Variants in DGKB observed in about 807,000 individuals in gnomAD.
DGKB encodes diacylglycerol kinase beta.
DGKB carries 67 observed loss-of-function variants against 114.3 expected under a neutral mutation model. The ratio of observed to expected loss-of-function variants is 0.59; its 90% CI spans 0.48 to 0.72. DGKB has a LOEUF of 0.72. Ranked by LOEUF, DGKB falls within the 30% of genes least tolerant of loss-of-function variation. DGKB has a pLI of 0.00. For synonymous variants in DGKB, 398 were observed against 323.1 expected, an observed-to-expected ratio of 1.23 and a Z score of -2.49; for missense variants, 907 against 975.2, an observed-to-expected ratio of 0.93 and a Z score of 0.93.
chr7:14,479,696 A>G (rs1334464630), intron 20 of DGKB, among the ~76,000 whole-genome samples: 5 of 152,128 alleles, frequency 3.3e-5, no homozygotes, highest in Non-Finnish European at 7.4e-5. Context: ...AGTCATAAAC[A>G]TATTATACTT....
At chr7:14,775,884 T>C (rs1245970868) in intron 2 of DGKB, among the ~76,000 whole-genome samples, 1 of 151,966 alleles carries the variant, frequency 6.6e-6, no homozygotes, top group Admixed American at 6.6e-5. Flanking sequence ...TCCGAAAATG[T>C]GGAAGTGACT....
In DGKB at chr7:14,697,985, G is replaced by C. The variant is rs183077542; in HGVS notation, c.591+110C>G. On this transcript the variant is annotated intron_variant, in intron 8 of 25. Transcript: ENST00000402815. ...GGAAGGAAAGAAAGAAAGAAAGAGA[G>C]AGAGAAAGAAAAAAAGAAAGAAAGA... The C allele has an allele frequency of 2.3e-3, 1,515 of 655,118 alleles. 15 individuals carry two copies. The African/African-American group carries it at 0.025, about 11-fold the overall frequency. The allele number at this position is 655,118 out of a possible 1,614,324, so 40.6% of individuals were successfully genotyped here.
At chr7:14,954,136 G>A (rs1253277193) in intron 1 of DGKB, among the ~76,000 whole-genome samples, 1 of 152,036 alleles carries the variant, frequency 6.6e-6, no homozygotes, top group Non-Finnish European at 1.5e-5. Flanking sequence ...AGGGAAGGAG[G>A]TGTGGGCCTG....
intron 13 of DGKB, among the ~76,000 whole-genome samples, chr7:14,653,866 C>T (rs1336317169): frequency 6.6e-6 from 1 of 151,934 alleles, no homozygotes; most frequent in African/African-American, 2.4e-5. Flanking sequence ...AAAAATTGGA[C>T]ATAGAATTAG....
chr7:14,811,374 A>G (rs1319702236), intron 2 of DGKB, among the ~76,000 whole-genome samples: 3 of 152,156 alleles, frequency 2.0e-5, no homozygotes, highest in East Asian at 3.9e-4. Flanking sequence ...CACCTGGCCT[A>G]GTAACAGGAA....
chr7:14,238,296 C>G (rs1387641445), intron 23 of DGKB, among the ~76,000 whole-genome samples: 1 of 151,930 alleles, frequency 6.6e-6, no homozygotes, highest in African/African-American at 2.4e-5. Context: ...TAGTGCTTGG[C>G]AGTTTCCCCC....
At chr7:14,313,516 G>T (rs922545726) in intron 23 of DGKB, among the ~76,000 whole-genome samples, 1 of 152,028 alleles carries the variant, frequency 6.6e-6, no homozygotes, top group East Asian at 1.9e-4. Flanking sequence ...GGTGACGGAC[G>T]GCACCTGGAA....
intron 23 of DGKB, among the ~76,000 whole-genome samples, chr7:14,253,658 T>G (rs1795561722): frequency 1.3e-5 from 2 of 152,208 alleles, no homozygotes; most frequent in South Asian, 4.1e-4. Context: ...AAATGAAATT[T>G]TAAAATACAT....
chr7:14,448,303 C>T (rs1483781834), intron 21 of DGKB, among the ~76,000 whole-genome samples: 5 of 151,980 alleles, frequency 3.3e-5, no homozygotes, highest in African/African-American at 9.7e-5. Context: ...AAGAAGGATG[C>T]TGAAAGTTGT....
chr7:14,814,256 T>A (rs1777605063), intron 2 of DGKB: 1 of 152,216 alleles, frequency 6.6e-6, no homozygotes, highest in Admixed American at 6.5e-5. Flanking sequence ...TTGGCTCTTT[T>A]CTTTCTCTGG....
At chr7:14,737,787 C>T (rs1221369653) in intron 4 of DGKB, among the ~76,000 whole-genome samples, 3 of 151,850 alleles carry the variant, frequency 2.0e-5, no homozygotes, top group Admixed American at 6.6e-5. Context: ...TAAATTACTA[C>T]CACCACCATA....
At chr7:14,478,595 A>C (rs896683312) in intron 20 of DGKB, among the ~76,000 whole-genome samples, 1 of 152,114 alleles carries the variant, frequency 6.6e-6, no homozygotes, top group Non-Finnish European at 1.5e-5. Context: ...CTGTTAAACA[A>C]GAGTTAGAAG....
intron 23 of DGKB, among the ~76,000 whole-genome samples, chr7:14,229,796 A>G (rs1791426749): frequency 6.6e-6 from 1 of 152,030 alleles, no homozygotes; most frequent in African/African-American, 2.4e-5. Flanking sequence ...GTTAAGTGTA[A>G]CAGGATAAAT....
intron 21 of DGKB, among the ~76,000 whole-genome samples, chr7:14,401,641 A>T (rs1823118525): frequency 6.6e-6 from 1 of 151,894 alleles, no homozygotes; most frequent in Non-Finnish European, 1.5e-5. Flanking sequence ...TGTTAGGGGT[A>T]TCAGTGCTTC....
intron 1 of DGKB, among the ~76,000 whole-genome samples, chr7:14,854,141 T>C (rs1395228896): frequency 1.3e-5 from 2 of 152,164 alleles, no homozygotes; most frequent in Non-Finnish European, 2.9e-5. Context: ...TAGGATTATA[T>C]GCGATTTGCC....
intron 20 of DGKB, among the ~76,000 whole-genome samples, chr7:14,548,239 C>T (rs180765939): frequency 6.6e-6 from 1 of 152,244 alleles, no homozygotes; most frequent in Non-Finnish European, 1.5e-5. Flanking sequence ...GCAGATTAGG[C>T]ACACTTGAAT....
At chr7:14,718,480 A>G in intron 6 of DGKB, 62 bp downstream of exon 6, 1 of 1,453,206 alleles carries the variant, frequency 6.9e-7, no homozygotes, top group Non-Finnish European at 9.3e-7. Flanking sequence ...TAAGTTAATC[A>G]ATATCCAGTC....
In DGKB at chr7:14,387,097, ATTAT is replaced by A. The variant is rs140868127; in HGVS notation, c.1836-41710_1836-41707del. On this transcript the variant is annotated intron_variant, in intron 21 of 25. Coordinates refer to ENST00000402815, the MANE Select transcript of DGKB (RefSeq NM_001350709.2). ...AAAACAGTTTTGTTTGTTTCTTTTG[ATTAT>A]TTATTTATTTATTTATTTATTTATT... 5.2e-3 allele frequency among the ~76,000 whole-genome samples: 764 copies of A among 147,318 alleles called. 10 individuals are homozygous for A. Among genetic ancestry groups the A allele is most frequent in the Middle Eastern group, 0.025 (7 of 284 alleles).
intron 23 of DGKB, among the ~76,000 whole-genome samples, chr7:14,189,457 C>T (rs559278030): frequency 3.1e-4 from 47 of 152,052 alleles, no homozygotes; most frequent in African/African-American, 1.1e-3. Flanking sequence ...CACAGAAAAC[C>T]ACCAAACCAC....
Sources: gnomAD v4.1 joint callset for allele counts (sites outside exome capture counted in the v4.1 genomes callset) on GRCh38, gnomAD v4.1.1 for gene constraint, MANE v1.5 for transcripts, NCBI Gene and HGNC (gene_info 2026-07-23, HGNC 2026-07-21) for gene names.